The following PASD1 variants were observed in gnomAD, a reference collection of about 807,000 sequenced individuals.
PASD1 encodes circadian clock protein PASD1.
PASD1 carries 13 observed loss-of-function variants against 58.8 expected under a neutral mutation model. That is an observed-to-expected ratio of 0.22 (90% CI 0.14 to 0.35). The LOEUF is 0.35. Among genes scored for constraint, PASD1 ranks in the 10% least tolerant of loss-of-function variants. The pLI, the probability that PASD1 is intolerant of heterozygous loss-of-function variation, is 1.00. For synonymous variants in PASD1, 236 were observed against 216.7 expected (o/e 1.09, Z -0.78); for missense variants, 734 against 568.3 (o/e 1.29, Z -2.96).
chrX:151,595,718 C>G (rs1455192385), intron 1 of PASD1, among the ~76,000 whole-genome samples: 1 of 109,737 alleles, frequency 9.1e-6, no homozygotes, highest in Non-Finnish European at 1.9e-5. Context: ...GAGTGAGACT[C>G]TGTCTCAAAA....
chrX:151,601,465 G>A, intron 1 of PASD1, 62 bp from the exon 2 acceptor site: 1 of 885,795 alleles, frequency 1.1e-6, no homozygotes, highest in Non-Finnish European at 1.6e-6. Flanking sequence ...TAGTCTTATT[G>A]CTTTACTGTG....
intron 1 of PASD1, among the ~76,000 whole-genome samples, chrX:151,592,908 C>A (rs1376052553): frequency 9.0e-6 from 1 of 111,597 alleles, no homozygotes; most frequent in Admixed American, 9.5e-5. Context: ...TACTTATTTT[C>A]TCTTTATTTA....
intron 1 of PASD1, among the ~76,000 whole-genome samples, chrX:151,587,520 G>A (rs2013184072): frequency 9.0e-6 from 1 of 111,541 alleles, no homozygotes; most frequent in African/African-American, 3.3e-5. Context: ...GAAAGACTGG[G>A]CATTTTTCCT....
At chrX:151,628,606 G>A (rs1480490272) in intron 8 of PASD1, among the ~76,000 whole-genome samples, 2 of 111,824 alleles carry the variant, frequency 1.8e-5, no homozygotes, top group African/African-American at 6.5e-5. Flanking sequence ...TTGTAGTATA[G>A]TTTGAAGTCA....
chrX:151,668,773 A>G (rs2014420378), intron 11 of PASD1, among the ~76,000 whole-genome samples: 1 of 110,038 alleles, frequency 9.1e-6, no homozygotes, highest in African/African-American at 3.3e-5. Flanking sequence ...GAATTCTACC[A>G]GAGGTACAAG....
intron 4 of PASD1, among the ~76,000 whole-genome samples, chrX:151,619,742 G>T (rs2013680755): frequency 9.0e-6 from 1 of 111,354 alleles, no homozygotes; most frequent in Non-Finnish European, 1.9e-5. Context: ...GGAGTGGTTA[G>T]ATATAAACTT....
intron 9 of PASD1, among the ~76,000 whole-genome samples, chrX:151,656,141 G>T (rs1437520875): frequency 9.0e-6 from 1 of 111,432 alleles, no homozygotes; most frequent in Non-Finnish European, 1.9e-5. Context: ...TTTTTGTCAG[G>T]TTTGTCAAAG....
chrX:151,604,721 A>T lies in PASD1; in HGVS notation c.104A>T (p.Gln35Leu). The T allele has an allele frequency of 8.3e-7, 1 of 1,202,204 alleles. No homozygotes were observed. The highest frequency in any genetic ancestry group is 1.1e-6 in the Non-Finnish European group (1 of 887,423). ...TTTCCTACCTATGATTACTTCAACC[A>T]AGTGACGCTACAGGTAAGAGGGCTT... Reference protein sequence around the residue: ...PSFPTYDYFNQVTLQLLDGFM... With the variant: ...PSFPTYDYFNLVTLQLLDGFM... The change falls in exon 3 of 16, where the codon CAA (glutamine) becomes CTA (leucine). Residue 35 changes from glutamine to leucine, a missense_variant. By Grantham distance (113) the Gln-to-Leu change is moderately radical. Transcript: ENST00000370357.
At chrX:151,565,320 G>C (rs1223927300) in intron 1 of PASD1, among the ~76,000 whole-genome samples, 2 of 111,884 alleles carry the variant, frequency 1.8e-5, no homozygotes, top group African/African-American at 6.5e-5. Context: ...AAAGTATTCA[G>C]GCCAATGTAG....
Position 151,672,205 on chromosome X carries a change from A to G in PASD1, c.1460A>G (p.Gln487Arg), listed in dbSNP as rs1233000115. The G allele has an allele frequency of 2.6e-6, 3 of 1,157,318 alleles. No individual in the cohort carries two copies. The highest frequency in any genetic ancestry group is 5.5e-5 in the Admixed American group (2 of 36,176). The change falls in exon 14 of 16, where the codon CAA (glutamine) becomes CGA (arginine). Residue 487 changes from glutamine to arginine, a missense_variant. By Grantham distance (43) the Gln-to-Arg change is conservative. Transcript: ENST00000370357. ...FNQQQLVQQE[Q>R]HLKEQQRQLR... ...CAGCAGCAACTGGTGCAGCAAGAACAACACCTGAAGGAGCAGCAGCGGCAG... is the reference window on the plus strand; with the variant it reads ...CAGCAGCAACTGGTGCAGCAAGAACGACACCTGAAGGAGCAGCAGCGGCAG...
At chrX:151,606,936 A>C (rs2013496410) in intron 3 of PASD1, among the ~76,000 whole-genome samples, 1 of 111,576 alleles carries the variant, frequency 9.0e-6, no homozygotes, top group Non-Finnish European at 1.9e-5. Context: ...CAGTTTTAAA[A>C]GTTTTTACTT....
chrX:151,598,312 A>G (rs144901718), intron 1 of PASD1, among the ~76,000 whole-genome samples: 7,145 of 111,383 alleles, frequency 0.064, 227 homozygotes, highest in African/African-American at 0.11. Flanking sequence ...AATATGGTCT[A>G]TATGATAATA....
intron 8 of PASD1, among the ~76,000 whole-genome samples, chrX:151,634,319 A>C (rs1482109228): frequency 2.7e-5 from 3 of 110,725 alleles, no homozygotes; most frequent in African/African-American, 6.6e-5. Context: ...AATTTATTAT[A>C]AACTGTGGAG....
At chrX:151,643,631 G>A (rs1345572009) in intron 8 of PASD1, among the ~76,000 whole-genome samples, 1 of 111,429 alleles carries the variant, frequency 9.0e-6, no homozygotes, top group Non-Finnish European at 1.9e-5. Context: ...CATATTGGAC[G>A]TGTGACATGA....
intron 4 of PASD1, among the ~76,000 whole-genome samples, chrX:151,618,576 C>T (rs1199153562): frequency 8.9e-6 from 1 of 111,758 alleles, no homozygotes; most frequent in Non-Finnish European, 1.9e-5. Flanking sequence ...CAGGCAAGGT[C>T]TCTGTTATAC....
Position 151,646,343 on chromosome X carries a change from G to T in PASD1, c.630-2272G>T, listed in dbSNP as rs768265217. Among the ~76,000 whole-genome samples the T allele has an allele frequency of 4.7e-3, 522 of 111,997 alleles. 2 individuals are homozygous for T. Among genetic ancestry groups the T allele is most frequent in the Non-Finnish European group, 7.8e-3 (416 of 53,208 alleles). ...AAACATACTTGCTTCACAACATATT[G>T]CTGTCAAAGAGTTTTGTCCAGTAAA... On this transcript the variant is annotated intron_variant, in intron 8 of 15. Transcript: ENST00000370357.
At chrX:151,577,006 C>T (rs185648618) in intron 1 of PASD1, among the ~76,000 whole-genome samples, 29 of 111,661 alleles carry the variant, frequency 2.6e-4, no homozygotes, top group African/African-American at 9.4e-4. Flanking sequence ...CTATGCGGCT[C>T]GTCAATTCTG....
intron 11 of PASD1, 29 bp from the exon 12 acceptor site, chrX:151,671,009 C>T: frequency 1.7e-6 from 2 of 1,199,133 alleles, no homozygotes; most frequent in South Asian, 1.9e-5. Context: ...TGTTGCTATA[C>T]ATGAACCATA....
At chrX:151,593,559 G>T (rs763617433) in intron 1 of PASD1, among the ~76,000 whole-genome samples, 1 of 110,477 alleles carries the variant, frequency 9.1e-6, no homozygotes, top group Non-Finnish European at 1.9e-5. Context: ...CCATGTCCCC[G>T]CAAAGGACAT....
Sources: gnomAD v4.1 joint callset for allele counts (sites outside exome capture counted in the v4.1 genomes callset) on GRCh38, gnomAD v4.1.1 for gene constraint, MANE v1.5 for transcripts, NCBI Gene and HGNC (gene_info 2026-07-23, HGNC 2026-07-21) for gene names.